Variants in RRP12 observed in about 807,000 individuals in gnomAD.
RRP12 encodes RRP12-like protein.
Under a neutral mutation model 157.3 loss-of-function variants are expected in RRP12, and 78 were observed. The ratio of observed to expected loss-of-function variants is 0.50; its 90% CI spans 0.41 to 0.60. RRP12 has a LOEUF of 0.60. Among genes scored for constraint, RRP12 ranks in the 20% least tolerant of loss-of-function variants. The pLI is 0.00. For missense variants in RRP12, 1,521 were observed against 1,679.9 expected (o/e 0.91, Z 1.65); for synonymous variants, 726 against 670.9 (o/e 1.08, Z -1.27).
chr10:97,380,687 G>C lies in RRP12; in HGVS notation c.1533+112C>G. ...TGGGGCACCTGCTATGGCCCTGTCA[G>C]GGTGGGGTGCGGAGCAGGGTGCAGA... On this transcript the variant is annotated intron_variant, in intron 13 of 33. Transcript: ENST00000370992. 11 of 752,012 alleles carry C rather than the reference G, an allele frequency of 1.5e-5. No individual in the cohort carries two copies. In the South Asian group the frequency reaches 1.6e-4, roughly 11 times the overall value. The allele number at this position is 752,012 out of a possible 1,614,324, so 46.6% of individuals were successfully genotyped here.
chr10:97,368,715 C>A (rs1209223611), intron 25 of RRP12, among the ~76,000 whole-genome samples: 2 of 152,346 alleles, frequency 1.3e-5, no homozygotes, highest in East Asian at 3.9e-4. Context: ...CTGTTCTCCC[C>A]ACCTTTGGTC....
chr10:97,370,663 C>T, intron 22 of RRP12, 53 bp downstream of exon 22: 1 of 1,599,502 alleles, frequency 6.3e-7, no homozygotes, highest in Admixed American at 1.7e-5. Context: ...ATCCTGAGGC[C>T]CTTAAGAGCC....
At chr10:97,379,879 A>G (rs1258627358) in intron 13 of RRP12, 109 bp from the exon 14 acceptor site, 1 of 1,089,844 alleles carries the variant, frequency 9.2e-7, no homozygotes, top group Non-Finnish European at 1.3e-6. Flanking sequence ...GTTCAACGCT[A>G]CACCAGAGGG....
At position 97,367,046 on chromosome 10, in the gene RRP12, C is replaced by T; in HGVS notation, c.3042G>A (p.Lys1014=). 6.2e-7 allele frequency: 1 copy of T among 1,614,208 alleles called. No homozygotes were observed. The highest frequency in any genetic ancestry group is 8.5e-7 in the Non-Finnish European group (1 of 1,180,018). ...CCCCTGCTCAGTGCACAGACCCAAA[C>T]TTGCGGATGAACTTGGTGAACAGGT... is the stretch of plus-strand genomic sequence containing the variant. ...LRNLFTKFIR[K]FGFELVKRLL... Residue 1014 remains lysine, a synonymous_variant, in exon 26 of 34, where the codon AAG becomes AAA. Coordinates refer to ENST00000370992, the MANE Select transcript of RRP12 (RefSeq NM_015179.4).
chr10:97,360,573 C>T lies in RRP12; in HGVS notation c.3613G>A (p.Glu1205Lys). The change falls in exon 31 of 34, where the codon GAG (glutamate) becomes AAG (lysine). Residue 1205 changes from glutamate (E) to lysine (K), a missense_variant. Coordinates refer to ENST00000370992, the MANE Select transcript of RRP12 (RefSeq NM_015179.4). ...TGGTACTGAGGGGGTATCTCCAGCT[C>T]CTCCTCCTCAGCCTCTTTCTGGTGC... ...LKHQKEAEEE[E>K]LEIPPQYQAG... 6.2e-7 allele frequency: 1 copy of T among 1,613,708 alleles called. No homozygotes were observed. Among genetic ancestry groups the T allele is most frequent in the South Asian group, 1.1e-5 (1 of 91,080 alleles).
rs900643587 is a variant in RRP12, at chr10:97,365,079, T to C, written c.3517+1029A>G. ...CGGAAAAGTGGGTATTAGGATTGTA[T>C]GATATCCACTCTGAAGCAAGGAAAC... On this transcript the variant is annotated intron_variant, in intron 29 of 33. Transcript: ENST00000370992. Among the ~76,000 whole-genome samples, 15 of 152,174 alleles carry C rather than the reference T, an allele frequency of 9.9e-5. 1 individual carries two copies. In the South Asian group the frequency reaches 2.5e-3, roughly 25 times the overall value.
chr10:97,370,105 G>T, intron 24 of RRP12, 62 bp downstream of exon 24: 1 of 1,183,666 alleles, frequency 8.4e-7, no homozygotes, highest in Non-Finnish European at 1.2e-6. Flanking sequence ...ACTTTATCCT[G>T]ACCTTTTGGG....
At chr10:97,366,712 C>T in intron 27 of RRP12, 30 bp downstream of exon 27, 1 of 1,604,764 alleles carries the variant, frequency 6.2e-7, no homozygotes, top group Non-Finnish European at 8.5e-7. Flanking sequence ...TGGGGGGACA[C>T]CGGGTCCCAT....
At chr10:97,391,756 C>T (rs1330292550) in intron 4 of RRP12, among the ~76,000 whole-genome samples, 1 of 151,980 alleles carries the variant, frequency 6.6e-6, no homozygotes, top group East Asian at 1.9e-4. Flanking sequence ...CCGGTCTCTA[C>T]TAAAAATACA....
At chr10:97,364,999 T>C (rs1194979948) in intron 29 of RRP12, among the ~76,000 whole-genome samples, 1 of 152,122 alleles carries the variant, frequency 6.6e-6, no homozygotes, top group Non-Finnish European at 1.5e-5. Flanking sequence ...AACAGGCACA[T>C]GTACACCAAG....
Position 97,373,658 on chromosome 10 carries a change from C to A in RRP12, c.1943G>T (p.Gly648Val). Residue 648 changes from glycine to valine, a missense_variant, in exon 17 of 34, where the codon GGC (glycine) becomes GTC (valine). Gly to Val is a moderately radical substitution (Grantham distance 109). Transcript: ENST00000370992. The part of the protein sequence containing the change: ...ISFKGLARTL[G>V]MAISERPDLR... ...GTCTGGACGCTCGCTGATGGCCATG[C>A]CCAGCGTCCGTGCCAGCCCTTTGAA... is the stretch of plus-strand genomic sequence containing the variant. 6.2e-7 allele frequency: 1 copy of A among 1,613,904 alleles called. No individual in the cohort carries two copies. The highest frequency in any genetic ancestry group is 8.5e-7 in the Non-Finnish European group (1 of 1,179,920).
intron 10 of RRP12, among the ~76,000 whole-genome samples, chr10:97,382,179 C>A (rs956273500): frequency 7.3e-6 from 1 of 136,084 alleles, no homozygotes; most frequent in Non-Finnish European, 1.6e-5. Context: ...ACAGTAACTT[C>A]TGCTAACTTT....
At chr10:97,358,916 AC>A in intron 32 of RRP12, 26 bp downstream of exon 32, 1 of 1,592,498 alleles carries the variant, frequency 6.3e-7, no homozygotes, top group Non-Finnish European at 8.6e-7. Flanking sequence ...GTGCCAGGAG[AC>A]CCCATGCCCT....
At chr10:97,364,750 G>C (rs1048422673) in intron 29 of RRP12, among the ~76,000 whole-genome samples, 2 of 152,098 alleles carry the variant, frequency 1.3e-5, no homozygotes, top group Non-Finnish European at 2.9e-5. Flanking sequence ...CTGAAGACTG[G>C]GTTTCCTCTG....
At chr10:97,363,480 G>A (rs1005858682) in intron 30 of RRP12, among the ~76,000 whole-genome samples, 2 of 151,362 alleles carry the variant, frequency 1.3e-5, no homozygotes, top group East Asian at 1.9e-4. Context: ...CTGGGACAAC[G>A]GAGTCCCTAT....
At chr10:97,360,441 C>T (rs890534992) in intron 31 of RRP12, 105 bp downstream of exon 31, 10 of 892,810 alleles carry the variant, frequency 1.1e-5, no homozygotes, top group Non-Finnish European at 1.7e-5. Flanking sequence ...TGAGTGCAAC[C>T]AGGCTGTGCA....
Position 97,360,577 on chromosome 10 carries a change from C to T in RRP12, c.3609G>A (p.Glu1203=), listed in dbSNP as rs776526785. The T allele has an allele frequency of 6.8e-6, 11 of 1,613,918 alleles. No homozygotes were observed. Among genetic ancestry groups the T allele is most frequent in the South Asian group, 1.1e-5 (1 of 91,084 alleles). The change falls in exon 31 of 34, where the codon GAG becomes GAA. Residue 1203 remains glutamate, a synonymous_variant. Coordinates refer to ENST00000370992, the MANE Select transcript of RRP12 (RefSeq NM_015179.4). ...QKLKHQKEAE[E]EELEIPPQYQ... is the part of the protein sequence containing the mutation. Reference sequence around the variant, plus strand: ...ACTGAGGGGGTATCTCCAGCTCCTCCTCCTCAGCCTCTTTCTGGTGCTTGA... The same window carrying T: ...ACTGAGGGGGTATCTCCAGCTCCTCTTCCTCAGCCTCTTTCTGGTGCTTGA...
At chr10:97,395,932 A>G (rs1474524037) in intron 3 of RRP12, among the ~76,000 whole-genome samples, 2 of 152,062 alleles carry the variant, frequency 1.3e-5, no homozygotes, top group African/African-American at 4.8e-5. Context: ...AGGCCACCGC[A>G]AGATGACAAG....
At position 97,370,264 on chromosome 10, in the gene RRP12, C is replaced by T. The variant is rs747580359; in HGVS notation, c.2700G>A (p.Gln900=). Residue 900 remains glutamine (Q), a synonymous_variant, in exon 24 of 34, where the codon CAG becomes CAA. Transcript: ENST00000370992. The stretch of plus-strand genomic sequence containing the variant: ...CAGGGTAGATCAGGACGAGGTAGCA[C>T]TGCAGGGCCTCTGGGGACAGAGACC... ...RFGSNQEEAL[Q]CYLVLIYPGL... is the part of the protein sequence containing the mutation. 5 of 1,594,028 alleles carry T rather than the reference C, an allele frequency of 3.1e-6. No individual in the cohort carries two copies. The highest frequency in any genetic ancestry group is 3.4e-6 in the Non-Finnish European group (4 of 1,170,606).
Sources: gnomAD v4.1 joint callset for allele counts (sites outside exome capture counted in the v4.1 genomes callset) on GRCh38, gnomAD v4.1.1 for gene constraint, MANE v1.5 for transcripts, NCBI Gene and HGNC (gene_info 2026-07-23, HGNC 2026-07-21) for gene names.